Variants in SLC1A2 observed in about 807,000 individuals in gnomAD.
The protein encoded by SLC1A2 is solute carrier family 1 member 2, also known as excitatory amino acid transporter 2.
A neutral mutation model predicts 48.8 loss-of-function variants in SLC1A2; 15 were observed. The ratio of observed to expected loss-of-function variants is 0.31; its 90% confidence interval spans 0.21 to 0.47. SLC1A2 has a LOEUF of 0.47. Ranked by LOEUF, SLC1A2 falls within the 20% of genes least tolerant of loss-of-function variation. The pLI, the probability that SLC1A2 is intolerant of heterozygous loss-of-function variation, is 0.99. For synonymous variants in SLC1A2, 279 were observed against 272.6 expected, an observed-to-expected ratio of 1.02 and a Z score of -0.23; for missense variants, 502 against 730.5, an observed-to-expected ratio of 0.69 and a Z score of 3.61.
intron 8 of SLC1A2, chr11:35,285,528 T>C (rs1325866953): frequency 3.9e-5 from 6 of 152,222 alleles, no homozygotes; most frequent in African/African-American, 1.4e-4. Context: ...AGTACATCTG[T>C]CACACAGAAT....
intron 4 of SLC1A2, among the ~76,000 whole-genome samples, chr11:35,306,701 C>T (rs980597580): frequency 6.6e-6 from 1 of 152,154 alleles, no homozygotes; most frequent in African/African-American, 2.4e-5. Context: ...CCCACTCACC[C>T]TTCCTAGCCT....
At chr11:35,392,508 T>C (rs1461552075) in intron 1 of SLC1A2, 2 of 152,240 alleles carry the variant, frequency 1.3e-5, no homozygotes, top group Non-Finnish European at 2.9e-5. Flanking sequence ...GCGAATACTA[T>C]TGGGAATTCC....
chr11:35,275,071 C>A (rs1421070118), intron 9 of SLC1A2, among the ~76,000 whole-genome samples: 2 of 152,208 alleles, frequency 1.3e-5, no homozygotes, highest in Non-Finnish European at 2.9e-5. Context: ...TGTCAATTCT[C>A]CAGCCCCACC....
chr11:35,272,861 G>A (rs946076330), intron 9 of SLC1A2, among the ~76,000 whole-genome samples: 1 of 152,174 alleles, frequency 6.6e-6, no homozygotes, highest in African/African-American at 2.4e-5. Context: ...CCAAAAATGA[G>A]AGAGGGGCTT....
intron 1 of SLC1A2, among the ~76,000 whole-genome samples, chr11:35,346,296 C>T (rs1018207483): frequency 1.1e-4 from 17 of 152,172 alleles, no homozygotes; most frequent in Non-Finnish European, 4.4e-5. Context: ...TGGGGTCAAG[C>T]ATAGAGCAGG....
chr11:35,357,393 G>A lies in SLC1A2; in HGVS notation c.18-39877C>T, dbSNP rs1447769577. Among the ~76,000 whole-genome samples the A allele has an allele frequency of 2.6e-5, 4 of 152,154 alleles. No individual in the cohort carries two copies. The East Asian group carries it at 5.8e-4, about 22-fold the overall frequency. ...GGGCTTTGTGCAAACAAGTACATTC[G>A]GACAACATGAGAGCAGTATTAATCA... On this transcript the variant is annotated intron_variant, in intron 1 of 10. Transcript: ENST00000278379.
intron 1 of SLC1A2, among the ~76,000 whole-genome samples, chr11:35,406,630 C>A (rs996008650): frequency 6.7e-6 from 1 of 149,644 alleles, no homozygotes; most frequent in Non-Finnish European, 1.5e-5. Flanking sequence ...TAGGTTGAGG[C>A]TGAAGGAAGA....
chr11:35,297,150 G>A (rs576289707), intron 6 of SLC1A2, among the ~76,000 whole-genome samples: 8 of 152,064 alleles, frequency 5.3e-5, no homozygotes, highest in African/African-American at 1.9e-4. Context: ...TATAAAATCC[G>A]GTTTAGCAAA....
At position 35,303,445 on chromosome 11, in the gene SLC1A2, T is replaced by A. The variant is rs149892033; in HGVS notation, c.731-1800A>T. Among the ~76,000 whole-genome samples the A allele has an allele frequency of 2.8e-3, 426 of 152,278 alleles. 1 individual carries two copies. The highest frequency in any genetic ancestry group is 4.9e-3 in the Non-Finnish European group (336 of 68,028). On this transcript the variant is annotated intron_variant, in intron 5 of 10. Coordinates refer to ENST00000278379, the MANE Select transcript of SLC1A2 (RefSeq NM_004171.4). The stretch of plus-strand genomic sequence containing the variant: ...AGACAAAGGCTTAGGGAAGATTAGA[T>A]CCAGGACAGAGGGAACTAGTTCCGC...
At chr11:35,398,536 A>T (rs1590274601) in intron 1 of SLC1A2, among the ~76,000 whole-genome samples, 1 of 152,194 alleles carries the variant, frequency 6.6e-6, no homozygotes, top group Non-Finnish European at 1.5e-5. Context: ...AGGAGGGTGA[A>T]TATCACAAAA....
chr11:35,398,238 A>G (rs892933757), intron 1 of SLC1A2, among the ~76,000 whole-genome samples: 2 of 152,214 alleles, frequency 1.3e-5, no homozygotes, highest in African/African-American at 4.8e-5. Context: ...GAAAAAAAAT[A>G]TGATCTGACA....
At chr11:35,360,222 TC>T in intron 1 of SLC1A2, 1 of 253,966 alleles carries the variant, frequency 3.9e-6, no homozygotes, top group African/African-American at 2.3e-5. Flanking sequence ...GTCATTTGGT[TC>T]GAGAGCCCAA....
At chr11:35,402,885 G>A (rs888074566) in intron 1 of SLC1A2, among the ~76,000 whole-genome samples, 7 of 152,206 alleles carry the variant, frequency 4.6e-5, no homozygotes, top group African/African-American at 1.7e-4. Context: ...CTTCGCTAGA[G>A]CAAATACAGC....
chr11:35,370,706 C>T (rs1438871389), intron 1 of SLC1A2, among the ~76,000 whole-genome samples: 1 of 152,004 alleles, frequency 6.6e-6, no homozygotes, highest in African/African-American at 2.4e-5. Flanking sequence ...GCAGGTGCAT[C>T]TTTCCATCTT....
intron 1 of SLC1A2, among the ~76,000 whole-genome samples, chr11:35,365,469 T>C (rs1315055377): frequency 6.6e-6 from 1 of 152,178 alleles, no homozygotes; most frequent in Non-Finnish European, 1.5e-5. Context: ...TCGTAAAATC[T>C]GCTCCTAGGA....
Position 35,306,143 on chromosome 11 carries a change from C to T in SLC1A2, c.661G>A (p.Glu221Lys), listed in dbSNP as rs766112847. ...ACCATCTTAGTCTCCTCCGGCACCT[C>T]AGTCACAGTCTCGTTCAACAGAGAG... ...VVSLLNETVT[E>K]VPEETKMVIK... The change falls in exon 5 of 11, where the codon GAG becomes AAG. Residue 221 changes from glutamate to lysine, a missense_variant. This residue lies in a region of SLC1A2 where 309 missense variants were observed against 480.3 expected (regional missense o/e 0.64). Coordinates refer to ENST00000278379, the MANE Select transcript of SLC1A2 (RefSeq NM_004171.4). The T allele has an allele frequency of 5.1e-5, 83 of 1,614,114 alleles. No individual in the cohort carries two copies. The East Asian group carries it at 1.5e-3, about 29-fold the overall frequency.
At chr11:35,410,396 G>A (rs1855423781) in intron 1 of SLC1A2, among the ~76,000 whole-genome samples, 1 of 152,172 alleles carries the variant, frequency 6.6e-6, no homozygotes, top group East Asian at 1.9e-4. Flanking sequence ...CTGACTACCT[G>A]AAATTTTGTA....
chr11:35,269,856 TC>T (rs1483625186), intron 9 of SLC1A2, among the ~76,000 whole-genome samples: 1 of 152,162 alleles, frequency 6.6e-6, no homozygotes, highest in Non-Finnish European at 1.5e-5. Flanking sequence ...ACGCCTGCAA[TC>T]CCAGCACTTT....
Position 35,254,767 on chromosome 11 carries a change from G to A in SLC1A2, c.*6127C>T, listed in dbSNP as rs1950290278. The A allele has an allele frequency of 2.2e-6, 1 of 456,110 alleles. No individual in the cohort carries two copies. The highest frequency in any genetic ancestry group is 1.5e-5 in the South Asian group (1 of 64,534). 28.3% of individuals were successfully genotyped at this position (456,110 alleles called of 1,614,324 possible). ...ACTTCTGACTCTACAAAGCAGTGAG[G>A]TCTGTTCCAATAGCTGGTTTTATTC... On this transcript the variant is annotated 3_prime_UTR_variant, in exon 11 of 11. Transcript: ENST00000278379.
Sources: allele counts gnomAD v4.1 joint callset (sites outside exome capture counted in the v4.1 genomes callset), GRCh38; gene constraint gnomAD v4.1.1; regional missense constraint gnomAD v4.1.1; transcripts MANE v1.5; gene names NCBI Gene and HGNC (gene_info 2026-07-23, HGNC 2026-07-21).